MAGI3: variants seen among roughly 807,000 people sequenced by gnomAD.
MAGI3 encodes membrane-associated guanylate kinase, WW and PDZ domain-containing protein 3.
MAGI3 carries 43 observed loss-of-function variants against 121.8 expected under a neutral mutation model. The observed-to-expected ratio is 0.35, with a 90% CI of 0.28 to 0.46. The LOEUF (loss-of-function observed/expected upper bound fraction) is 0.46. Ranked by LOEUF, MAGI3 falls within the 20% of genes least tolerant of loss-of-function variation. The pLI is 1.00. For synonymous variants in MAGI3, 553 were observed against 639.3 expected (o/e 0.86, Z 2.04); for missense variants, 1,547 against 1,797.3 (o/e 0.86, Z 2.52).
chr1:113,676,061 C>G (rs560015678), intron 19 of MAGI3, among the ~76,000 whole-genome samples: 7 of 152,088 alleles, frequency 4.6e-5, no homozygotes, highest in Admixed American at 2.0e-4. Context: ...TCATCTCTCT[C>G]TCTCTCTGTC....
chr1:113,459,914 A>G (rs1654946556), intron 1 of MAGI3, among the ~76,000 whole-genome samples: 1 of 152,196 alleles, frequency 6.6e-6, no homozygotes, highest in Admixed American at 6.5e-5. Context: ...TCCACAACTT[A>G]TTCTATGAGG....
intron 1 of MAGI3, among the ~76,000 whole-genome samples, chr1:113,491,423 T>C (rs898742641): frequency 2.6e-5 from 4 of 152,018 alleles, no homozygotes; most frequent in African/African-American, 7.2e-5. Flanking sequence ...CATGAAAAAG[T>C]TGGAAAGGTC....
At chr1:113,528,435 C>T (rs1658554274) in intron 1 of MAGI3, among the ~76,000 whole-genome samples, 1 of 151,984 alleles carries the variant, frequency 6.6e-6, no homozygotes, top group Admixed American at 6.6e-5. Flanking sequence ...GAATGTAAAC[C>T]AAGTTGATTC....
At chr1:113,579,778 C>A (rs969381350) in intron 2 of MAGI3, among the ~76,000 whole-genome samples, 1 of 152,094 alleles carries the variant, frequency 6.6e-6, no homozygotes, top group Non-Finnish European at 1.5e-5. Flanking sequence ...GAGCCCAAGA[C>A]GACTGACTCT....
chr1:113,650,096 A>G (rs1557874362), intron 13 of MAGI3, among the ~76,000 whole-genome samples: 2 of 152,116 alleles, frequency 1.3e-5, no homozygotes, highest in South Asian at 4.1e-4. Flanking sequence ...TAGGTGAAGA[A>G]CAATAATCTT....
chr1:113,637,579 G>A (rs567016589), intron 9 of MAGI3, among the ~76,000 whole-genome samples: 1 of 152,306 alleles, frequency 6.6e-6, no homozygotes, highest in African/African-American at 2.4e-5. Context: ...CTGGCTTGTA[G>A]AGTTTCTGCC....
At chr1:113,396,065 C>T (rs531490785) in intron 1 of MAGI3, among the ~76,000 whole-genome samples, 1 of 151,980 alleles carries the variant, frequency 6.6e-6, no homozygotes, top group East Asian at 1.9e-4. Context: ...TGTAAACTGG[C>T]GACAAAACAA....
intron 16 of MAGI3, among the ~76,000 whole-genome samples, chr1:113,665,051 A>G (rs1017605516): frequency 2.6e-5 from 4 of 152,028 alleles, no homozygotes; most frequent in African/African-American, 9.7e-5. Context: ...TTTATTTAAG[A>G]TAAGTCATTT....
chr1:113,425,942 C>CT (rs1390362688), intron 1 of MAGI3, among the ~76,000 whole-genome samples: 1 of 151,908 alleles, frequency 6.6e-6, no homozygotes, highest in African/African-American at 2.4e-5. Context: ...CTTTCTTACG[C>CT]TTTTTTGGGT....
At chr1:113,594,444 T>C (rs1482200711) in intron 5 of MAGI3, 37 bp from the exon 6 acceptor site, 4 of 1,512,258 alleles carry the variant, frequency 2.6e-6, no homozygotes, top group Non-Finnish European at 2.7e-6. Flanking sequence ...TCTCCTCCTT[T>C]ATTTTACTGT....
chr1:113,669,873 T>C (rs970871375), intron 16 of MAGI3, among the ~76,000 whole-genome samples: 1 of 152,056 alleles, frequency 6.6e-6, no homozygotes, highest in Non-Finnish European at 1.5e-5. Context: ...TTTCAACTTA[T>C]GTGTTAAAAC....
chr1:113,580,842 A>G, intron 3 of MAGI3, 181 bp downstream of exon 3: 1 of 434,170 alleles, frequency 2.3e-6, no homozygotes, highest in Non-Finnish European at 3.9e-6. Context: ...GGATTAAATA[A>G]TAAGCAAAAA....
At position 113,391,591 on chromosome 1, in the gene MAGI3, C is replaced by G. The variant is rs1211975516; in HGVS notation, c.316+242C>G. Among the ~76,000 whole-genome samples, 1 of 152,136 alleles carries G rather than the reference C, an allele frequency of 6.6e-6. No individual in the cohort carries two copies. The highest frequency in any genetic ancestry group is 1.5e-5 in the Non-Finnish European group (1 of 68,024). On this transcript the variant is annotated intron_variant, in intron 1 of 20. Coordinates refer to ENST00000307546, the MANE Select transcript of MAGI3 (RefSeq NM_001142782.2). This position sits in a 1 kb window ranked among gnomAD's most constrained non-coding sequence, Gnocchi z 4.4. ...AGCTGTGCTAGCTGTCACAGAATTGCGACTAGAAGCTGGGTTTCCTACATT... is the reference window on the plus strand; with the variant it reads ...AGCTGTGCTAGCTGTCACAGAATTGGGACTAGAAGCTGGGTTTCCTACATT...
rs1407363008 is a variant in MAGI3, at chr1:113,641,092, TA to T, written c.1361-818del. On this transcript the variant is annotated intron_variant, in intron 9 of 20. Transcript: ENST00000307546. ...TATATAATATATATGAGATATATAT[TA>T]TATATATGATATATAAATATATATG... Among the ~76,000 whole-genome samples the T allele has an allele frequency of 3.2e-4, 3 of 9,444 alleles. 1 individual carries two copies. The highest frequency in any genetic ancestry group is 1.9e-3 in the Admixed American group (3 of 1,612). 6.2% of individuals were successfully genotyped at this position (9,444 alleles called of 152,430 possible). A position where few individuals can be genotyped will look rare whatever the true frequency, so the allele number is the denominator to read the frequency against.
intron 1 of MAGI3, among the ~76,000 whole-genome samples, chr1:113,480,516 C>T (rs894606848): frequency 2.0e-5 from 3 of 152,134 alleles, no homozygotes; most frequent in African/African-American, 7.2e-5. Flanking sequence ...TAGGAGTGGA[C>T]CTGGAGCCTG....
chr1:113,484,144 A>C (rs72687948), intron 1 of MAGI3, among the ~76,000 whole-genome samples: 23,198 of 152,214 alleles, frequency 0.15, 2,809 homozygotes, highest in East Asian at 0.63. Context: ...TGGAGTTTTA[A>C]AGATGATTTA....
rs147729096 is a variant in MAGI3, at chr1:113,625,219, A to G, written c.1360+2225A>G. Among the ~76,000 whole-genome samples the G allele has an allele frequency of 7.8e-3, 1,189 of 152,212 alleles. 4 individuals carry two copies. Among genetic ancestry groups the G allele is most frequent in the Non-Finnish European group, 0.012 (843 of 67,994 alleles). On this transcript the variant is annotated intron_variant, in intron 9 of 20. Transcript: ENST00000307546. ...TATAAATTTCAGAATTGTTTTTTCT[A>G]TTTCTGTGAAGAATGTCATTGGTAT...
At chr1:113,449,645 T>A (rs1055648809) in intron 1 of MAGI3, 3 of 704,486 alleles carry the variant, frequency 4.3e-6, no homozygotes, top group Admixed American at 2.1e-5. Context: ...GATTAAAAAA[T>A]TTTTCAGTAT....
intron 1 of MAGI3, among the ~76,000 whole-genome samples, chr1:113,509,888 G>A (rs1003204819): frequency 4.0e-5 from 6 of 149,144 alleles, no homozygotes; most frequent in Non-Finnish European, 7.4e-5. Context: ...GGCCTGTCTC[G>A]CGGTGCTGTT....
Sources: allele counts gnomAD v4.1 joint callset (sites outside exome capture counted in the v4.1 genomes callset), GRCh38; gene constraint gnomAD v4.1.1; non-coding constraint Gnocchi (gnomAD v3.1); transcripts MANE v1.5; gene names NCBI Gene and HGNC (gene_info 2026-07-23, HGNC 2026-07-21).